WDR7: variants seen among roughly 807,000 people sequenced by gnomAD.
The protein encoded by WDR7 is WD repeat domain 7.
A neutral mutation model predicts 169.4 loss-of-function variants in WDR7; 46 were observed. That is an observed-to-expected ratio of 0.27 (90% CI 0.21 to 0.35). WDR7 has a LOEUF of 0.35. Ranked by LOEUF, WDR7 falls within the 10% of genes least tolerant of loss-of-function variation. The pLI, the probability that WDR7 is intolerant of heterozygous loss-of-function variation, is 1.00. For missense variants in WDR7, 1,534 were observed against 1,859.3 expected (o/e 0.83, Z 3.22); for synonymous variants, 612 against 666.8 (o/e 0.92, Z 1.27).
At chr18:56,693,706 G>A (rs2025631796) in intron 9 of WDR7, among the ~76,000 whole-genome samples, 2 of 151,112 alleles carry the variant, frequency 1.3e-5, no homozygotes, top group Non-Finnish European at 2.9e-5. Context: ...CGAGTAGCTG[G>A]GATTACAGGC....
chr18:56,790,736 A>C (rs1042102450), intron 19 of WDR7, among the ~76,000 whole-genome samples: 3 of 152,078 alleles, frequency 2.0e-5, no homozygotes, highest in Non-Finnish European at 4.4e-5. Flanking sequence ...TGTTTTTATT[A>C]ACCAGATTTT....
intron 26 of WDR7, among the ~76,000 whole-genome samples, chr18:56,999,515 A>T (rs2047944884): frequency 5.9e-5 from 9 of 152,124 alleles, no homozygotes; most frequent in Admixed American, 5.9e-4. Context: ...GTAAAAAATT[A>T]TTTTTAATCT....
rs114218188 is a variant in WDR7, at chr18:56,698,322, G to A, written c.1578+1860G>A. 5.3e-3 allele frequency among the ~76,000 whole-genome samples: 797 copies of A among 151,270 alleles called. 2 individuals carry two copies. Among genetic ancestry groups the A allele is most frequent in the African/African-American group, 0.019 (770 of 41,212 alleles). ...ACAAATTTCTTTTAAAAAATTTCAAGTGGGCAGGGCATGGTGGCTCATGCC... is the reference window on the plus strand; with the variant it reads ...ACAAATTTCTTTTAAAAAATTTCAAATGGGCAGGGCATGGTGGCTCATGCC... On this transcript the variant is annotated intron_variant, in intron 12 of 27. Transcript: ENST00000254442.
At chr18:56,819,937 A>G (rs1380501507) in intron 20 of WDR7, among the ~76,000 whole-genome samples, 3 of 152,046 alleles carry the variant, frequency 2.0e-5, no homozygotes, top group African/African-American at 7.2e-5. Context: ...ACACTTTCCT[A>G]TTTATAGTAT....
chr18:57,020,630 A>T (rs2048275457), intron 26 of WDR7, 115 bp from the exon 27 acceptor site: 3 of 901,248 alleles, frequency 3.3e-6, no homozygotes. Flanking sequence ...AACAAAGAAG[A>T]TAACAGCATC....
chr18:56,903,708 C>G (rs1364068388), intron 21 of WDR7, among the ~76,000 whole-genome samples: 2 of 152,136 alleles, frequency 1.3e-5, no homozygotes, highest in Non-Finnish European at 2.9e-5. Context: ...ATGTGAGCCA[C>G]CACACCCAGC....
chr18:56,884,215 G>A (rs1041144970), intron 21 of WDR7, among the ~76,000 whole-genome samples: 3 of 152,174 alleles, frequency 2.0e-5, no homozygotes, highest in Admixed American at 6.5e-5. Context: ...GAGCAAGGTG[G>A]TGTCGCATTG....
At chr18:56,988,014 G>A (rs975422461) in intron 26 of WDR7, among the ~76,000 whole-genome samples, 13 of 152,140 alleles carry the variant, frequency 8.5e-5, no homozygotes, top group African/African-American at 3.1e-4. Context: ...AATGCAGACT[G>A]GGTTTCTCCT....
intron 13 of WDR7, among the ~76,000 whole-genome samples, chr18:56,727,800 G>T (rs2026493429): frequency 6.6e-6 from 1 of 152,090 alleles, no homozygotes; most frequent in South Asian, 2.1e-4. Flanking sequence ...CACTCTTGGG[G>T]TATACATTTC....
intron 20 of WDR7, among the ~76,000 whole-genome samples, chr18:56,864,636 A>G (rs2045856159): frequency 6.6e-6 from 1 of 151,866 alleles, no homozygotes; most frequent in Non-Finnish European, 1.5e-5. Context: ...CTCGGGTAAT[A>G]GAAGATAAAT....
intron 26 of WDR7, among the ~76,000 whole-genome samples, chr18:57,002,120 A>C (rs1178145271): frequency 6.6e-6 from 1 of 152,158 alleles, no homozygotes; most frequent in Non-Finnish European, 1.5e-5. Flanking sequence ...TATATTTTTA[A>C]ATAAAAGGAA....
chr18:57,020,200 A>G (rs1254369677), intron 26 of WDR7, among the ~76,000 whole-genome samples: 1 of 152,222 alleles, frequency 6.6e-6, no homozygotes. Flanking sequence ...GTGTGGATGT[A>G]TATTTACTAA....
chr18:56,765,664 A>G (rs1002793828), intron 16 of WDR7, among the ~76,000 whole-genome samples: 3 of 152,170 alleles, frequency 2.0e-5, no homozygotes, highest in Non-Finnish European at 4.4e-5. Context: ...GAAAAAATAC[A>G]TATTTACCCA....
At chr18:56,794,973 A>G (rs764948393) in intron 19 of WDR7, among the ~76,000 whole-genome samples, 14 of 152,076 alleles carry the variant, frequency 9.2e-5, no homozygotes, top group Admixed American at 2.0e-4. Context: ...AAATTCTAAC[A>G]TTCCTTCCTC....
At chr18:56,913,134 G>A (rs192839365) in intron 21 of WDR7, among the ~76,000 whole-genome samples, 38 of 152,080 alleles carry the variant, frequency 2.5e-4, no homozygotes, top group South Asian at 6.2e-4. Flanking sequence ...TCAGGCTCTC[G>A]AAGTGCTGGG....
chr18:56,755,903 C>T (rs946537597), intron 14 of WDR7, among the ~76,000 whole-genome samples: 8 of 151,832 alleles, frequency 5.3e-5, no homozygotes, highest in Non-Finnish European at 8.8e-5. Flanking sequence ...CTTTCTATCT[C>T]GGGAAAAAAT....
At chr18:56,732,887 A>AT (rs2026617834) in intron 14 of WDR7, among the ~76,000 whole-genome samples, 1 of 152,208 alleles carries the variant, frequency 6.6e-6, no homozygotes, top group African/African-American at 2.4e-5. Flanking sequence ...GTTTAAGAGC[A>AT]TGCATGCATG....
Position 57,027,419 on chromosome 18 carries a change from C to A in WDR7, c.*212C>A. ...TTCAGAGGCACGCACACATGCTCTG[C>A]AGGATGTGGCCATCCTGTCACCAGG... On this transcript the variant is annotated 3_prime_UTR_variant, in exon 28 of 28. Coordinates refer to ENST00000254442, the MANE Select transcript of WDR7 (RefSeq NM_015285.3). 1.7e-6 allele frequency: 1 copy of A among 590,114 alleles called. No homozygotes were observed. Among genetic ancestry groups the A allele is most frequent in the South Asian group, 2.2e-5 (1 of 45,036 alleles). 36.6% of individuals were successfully genotyped at this position (590,114 alleles called of 1,614,324 possible).
chr18:56,892,765 A>C (rs1227465419), intron 21 of WDR7, among the ~76,000 whole-genome samples: 6 of 152,102 alleles, frequency 3.9e-5, no homozygotes, highest in African/African-American at 1.4e-4. Context: ...GACATTTAAT[A>C]TGCAAAAGGG....
Sources: gnomAD v4.1 joint callset for allele counts (sites outside exome capture counted in the v4.1 genomes callset) on GRCh38, gnomAD v4.1.1 for gene constraint, MANE v1.5 for transcripts, NCBI Gene and HGNC (gene_info 2026-07-23, HGNC 2026-07-21) for gene names.